Variants in SLC8A1 observed in about 807,000 individuals in gnomAD.
The protein encoded by SLC8A1 is solute carrier family 8 member A1.
SLC8A1 carries 18 observed loss-of-function variants against 68.3 expected under a neutral mutation model. The ratio of observed to expected loss-of-function variants is 0.26; its 90% confidence interval spans 0.18 to 0.39. The LOEUF (loss-of-function observed/expected upper bound fraction) is 0.39, where lower values mean the gene tolerates loss of function less well. Ranked by LOEUF, SLC8A1 falls within the 10% of genes least tolerant of loss-of-function variation. The pLI is 1.00. For missense variants in SLC8A1, 985 were observed against 1,156.7 expected, an observed-to-expected ratio of 0.85 and a Z score of 2.15; for synonymous variants, 475 against 415.5, an observed-to-expected ratio of 1.14 and a Z score of -1.74.
chr2:40,184,835 C>G (rs1357538287), intron 2 of SLC8A1, among the ~76,000 whole-genome samples: 1 of 143,578 alleles, frequency 7.0e-6, no homozygotes, highest in Non-Finnish European at 1.5e-5. Flanking sequence ...CCACAGTACA[C>G]TTGATGTTAA....
intron 1 of SLC8A1, among the ~76,000 whole-genome samples, chr2:40,490,555 CT>C (rs1196758203): frequency 6.6e-6 from 1 of 151,996 alleles, no homozygotes; most frequent in Non-Finnish European, 1.5e-5. Context: ...CTAAATGAAT[CT>C]TATATACATT....
chr2:40,260,144 T>C (rs1270376147), intron 2 of SLC8A1, among the ~76,000 whole-genome samples: 1 of 152,194 alleles, frequency 6.6e-6, no homozygotes, highest in Non-Finnish European at 1.5e-5. Flanking sequence ...ACAGGCTTGA[T>C]TCTCTCTCCC....
At chr2:40,177,049 CTTTTT>C (rs11290360) in intron 3 of SLC8A1, among the ~76,000 whole-genome samples, 1 of 151,766 alleles carries the variant, frequency 6.6e-6, no homozygotes, top group Non-Finnish European at 1.5e-5. Flanking sequence ...TTTATTTTTT[CTTTTT>C]TTTATATGTG....
intron 2 of SLC8A1, among the ~76,000 whole-genome samples, chr2:40,385,131 G>C (rs1186996717): frequency 6.6e-6 from 1 of 152,078 alleles, no homozygotes; most frequent in East Asian, 1.9e-4. Flanking sequence ...GTGATGAAAA[G>C]TTAATTGCAA....
rs70957161 is a variant in SLC8A1 at position 40,244,565 on chromosome 2, C to CA, written c.1809-66711dup. Among the ~76,000 whole-genome samples the CA allele has an allele frequency of 4.0e-3, 510 of 127,516 alleles. 3 individuals carry two copies. Among genetic ancestry groups the CA allele is most frequent in the East Asian group, 0.033 (118 of 3,534 alleles). 83.7% of individuals were successfully genotyped at this position (127,516 alleles called of 152,430 possible). On this transcript the variant is annotated intron_variant, in intron 2 of 7. Coordinates refer to ENST00000406785, the Ensembl canonical transcript of SLC8A1. Reference sequence around the variant, plus strand: ...AAGTGGTGTGCATGATATGAAAAACCAAAAAAAAAAAAAAAAAAAAAATGC... The same window carrying CA: ...AAGTGGTGTGCATGATATGAAAAACCAAAAAAAAAAAAAAAAAAAAAAATGC...
At position 40,202,969 on chromosome 2, in the gene SLC8A1, C is replaced by T. The variant is rs118101661; in HGVS notation, c.1809-25114G>A. 1.3e-3 allele frequency among the ~76,000 whole-genome samples: 191 copies of T among 152,024 alleles called. 3 individuals are homozygous for T. In the East Asian group the frequency reaches 0.035, roughly 28 times the overall value. Reference sequence around the variant, plus strand: ...CTTTAAAAAGTGTCCCTGTGATAAGCCACAAGAAATGACAGACTATGTTGA... The same window carrying T: ...CTTTAAAAAGTGTCCCTGTGATAAGTCACAAGAAATGACAGACTATGTTGA... On this transcript the variant is annotated intron_variant, in intron 2 of 7. Transcript: ENST00000406785.
chr2:40,271,744 G>A (rs1225160132), intron 2 of SLC8A1, among the ~76,000 whole-genome samples: 6 of 152,268 alleles, frequency 3.9e-5, no homozygotes, highest in Non-Finnish European at 5.9e-5. Flanking sequence ...GAAAGACACC[G>A]TGATATAAAC....
chr2:40,409,004 G>A (rs1398419012), intron 2 of SLC8A1, among the ~76,000 whole-genome samples: 2 of 152,040 alleles, frequency 1.3e-5, no homozygotes, highest in Admixed American at 6.6e-5. Flanking sequence ...ACTATACAGC[G>A]TTTTAAACAG....
At chr2:40,361,471 T>G (rs1674607450) in intron 2 of SLC8A1, among the ~76,000 whole-genome samples, 1 of 152,122 alleles carries the variant, frequency 6.6e-6, no homozygotes, top group Non-Finnish European at 1.5e-5. Context: ...AGCCTTTTTT[T>G]TTTTTTGTTT....
intron 2 of SLC8A1, among the ~76,000 whole-genome samples, chr2:40,288,902 G>A (rs1010117425): frequency 7.7e-6 from 1 of 130,024 alleles, no homozygotes; most frequent in Non-Finnish European, 1.5e-5. Context: ...ATCTCATAAT[G>A]TTGCCTGGGC....
chr2:40,445,067 C>G (rs1440992698), intron 1 of SLC8A1, among the ~76,000 whole-genome samples: 1 of 152,154 alleles, frequency 6.6e-6, no homozygotes, highest in African/African-American at 2.4e-5. Flanking sequence ...TTGCTGAGCA[C>G]CCATGTGTCA....
intron 7 of SLC8A1, among the ~76,000 whole-genome samples, chr2:40,119,141 TC>T (rs2036208518): frequency 6.6e-6 from 1 of 152,172 alleles, no homozygotes; most frequent in Admixed American, 6.5e-5. Context: ...GCATAAGGAT[TC>T]TTACTTGTAA....
intron 5 of SLC8A1, among the ~76,000 whole-genome samples, chr2:40,162,342 G>T (rs1277106364): frequency 6.6e-6 from 1 of 152,160 alleles, no homozygotes; most frequent in East Asian, 1.9e-4. Context: ...AATGTAATAA[G>T]AAATGACCTC....
chr2:40,151,277 G>GTA (rs1200197117), intron 6 of SLC8A1, among the ~76,000 whole-genome samples: 1 of 151,882 alleles, frequency 6.6e-6, no homozygotes, highest in East Asian at 1.9e-4. Flanking sequence ...GCGTGTGTGT[G>GTA]TGTGTGTGTA....
intron 2 of SLC8A1, among the ~76,000 whole-genome samples, chr2:40,292,599 C>G (rs560981952): frequency 6.6e-6 from 1 of 152,246 alleles, no homozygotes; most frequent in South Asian, 2.1e-4. Context: ...GATTGAAGAC[C>G]TAATGGAGAG....
At chr2:40,256,888 C>T (rs2064013591) in intron 2 of SLC8A1, among the ~76,000 whole-genome samples, 1 of 152,120 alleles carries the variant, frequency 6.6e-6, no homozygotes, top group East Asian at 1.9e-4. Flanking sequence ...GCTGCCTTCC[C>T]TTTTCTGAAA....
At chr2:40,342,598 C>T (rs999009110) in intron 2 of SLC8A1, among the ~76,000 whole-genome samples, 1 of 152,062 alleles carries the variant, frequency 6.6e-6, no homozygotes, top group Non-Finnish European at 1.5e-5. Context: ...TCTATTTCCC[C>T]CAGGGGGCCA....
chr2:40,476,054 T>A (rs1045296390), intron 1 of SLC8A1, among the ~76,000 whole-genome samples: 1 of 152,210 alleles, frequency 6.6e-6, no homozygotes, highest in Non-Finnish European at 1.5e-5. Context: ...AAATAAATGA[T>A]GACAAATAGC....
chr2:40,448,355 G>A (rs1002302118), intron 1 of SLC8A1, among the ~76,000 whole-genome samples: 6 of 152,156 alleles, frequency 3.9e-5, no homozygotes, highest in African/African-American at 1.2e-4. Context: ...ACTTAATGAG[G>A]CCCCATTGGA....
Sources: gnomAD v4.1 joint callset for allele counts (sites outside exome capture counted in the v4.1 genomes callset) on GRCh38, gnomAD v4.1.1 for gene constraint, MANE v1.5 for transcripts, NCBI Gene and HGNC (gene_info 2026-07-23, HGNC 2026-07-21) for gene names.